The following SOAT1 variants were observed in gnomAD, a reference collection of about 807,000 sequenced individuals.
SOAT1 encodes sterol O-acyltransferase 1.
In SOAT1, 55 loss-of-function variants were observed where a neutral mutation model predicts 69.5. The ratio of observed to expected loss-of-function variants is 0.79; its 90% CI spans 0.64 to 0.99. The LOEUF (loss-of-function observed/expected upper bound fraction) is 0.99, where lower values mean the gene tolerates loss of function less well. Ranked by LOEUF, SOAT1 falls within the 50% of genes least tolerant of loss-of-function variation. The pLI, the probability that SOAT1 is intolerant of heterozygous loss-of-function variation, is 0.00. For synonymous variants in SOAT1, 231 were observed against 224.7 expected, an observed-to-expected ratio of 1.03 and a Z score of -0.25; for missense variants, 580 against 669.3, an observed-to-expected ratio of 0.87 and a Z score of 1.47.
rs1446804737 is a variant in SOAT1 at position 179,350,420 on chromosome 1, T to C, written c.1439T>C (p.Met480Thr). 6.2e-7 allele frequency: 1 copy of C among 1,613,948 alleles called. No homozygotes were observed. Among genetic ancestry groups the C allele is most frequent in the Admixed American group, 1.7e-5 (1 of 59,986 alleles). ...TATCCCGTGCTCTTCGTGCTCTTCATGTTCTTTGGAAGTAAGTATCTTGGT... is the reference window on the plus strand; with the variant it reads ...TATCCCGTGCTCTTCGTGCTCTTCACGTTCTTTGGAAGTAAGTATCTTGGT... ...FFYPVLFVLF[M>T]FFGMAFNFIV... is the part of the protein sequence containing the mutation. The change falls in exon 14 of 16, where the codon ATG (methionine) becomes ACG (threonine). Residue 480 changes from methionine (M) to threonine (T), a missense_variant. Transcript: ENST00000367619.
intron 1 of SOAT1, among the ~76,000 whole-genome samples, chr1:179,295,353 G>A (rs1342467797): frequency 1.3e-5 from 2 of 152,030 alleles, no homozygotes; most frequent in Non-Finnish European, 2.9e-5. Context: ...CACTTCCTCT[G>A]GAAATCACCC....
In SOAT1 at chr1:179,351,347, G is replaced by A; in HGVS notation, c.1481G>A (p.Arg494Gln). The change falls in exon 15 of 16, where the codon CGG becomes CAG. Residue 494 changes from arginine (R) to glutamine (Q), a missense_variant. Physicochemically the swap from Arg to Gln is conservative, Grantham distance 43. Coordinates refer to ENST00000367619, the MANE Select transcript of SOAT1 (RefSeq NM_003101.6). The part of the protein sequence containing the change: ...MAFNFIVNDS[R>Q]KKPIWNVLMW... ...TTCAACTTCATTGTCAATGATAGTCGGAAAAAGCCGATTTGGAATGTTCTG... is the reference window on the plus strand; with the variant it reads ...TTCAACTTCATTGTCAATGATAGTCAGAAAAAGCCGATTTGGAATGTTCTG... 10 of 1,613,932 alleles carry A rather than the reference G, an allele frequency of 6.2e-6. No homozygotes were observed. Among genetic ancestry groups the A allele is most frequent in the South Asian group, 1.1e-5 (1 of 91,066 alleles).
chr1:179,297,495 C>A (rs965794914), intron 1 of SOAT1, among the ~76,000 whole-genome samples: 2 of 152,138 alleles, frequency 1.3e-5, no homozygotes, highest in East Asian at 3.9e-4. Context: ...GCCATCACCC[C>A]TGGCTAATTT....
At chr1:179,313,720 G>A (rs6694235) in intron 2 of SOAT1, among the ~76,000 whole-genome samples, 75,090 of 151,880 alleles carry the variant, frequency 0.49, 19,564 homozygotes, top group East Asian at 0.84. Context: ...AGGTAGCTGG[G>A]ATTATAGGCA....
At chr1:179,334,331 G>T (rs1666072255) in intron 3 of SOAT1, among the ~76,000 whole-genome samples, 1 of 152,154 alleles carries the variant, frequency 6.6e-6, no homozygotes, top group Non-Finnish European at 1.5e-5. Context: ...GAGTATATTT[G>T]GTTATAGATT....
In SOAT1 at chr1:179,337,879, A is replaced by G. The variant is rs1417327169; in HGVS notation, c.372A>G (p.Ala124=). ...CAGAACAAGGAAAGATTTTTATTGC[A>G]AGGCGCTCTCTCTTAGAGTGAGTAT... ...APPEQGKIFI[A]RRSLLDELLE... is the part of the protein sequence containing the mutation. Residue 124 remains alanine, a synonymous_variant, in exon 5 of 16, where the codon GCA becomes GCG. Coordinates refer to ENST00000367619, the MANE Select transcript of SOAT1 (RefSeq NM_003101.6). 3 of 1,609,616 alleles carry G rather than the reference A, an allele frequency of 1.9e-6. No homozygotes were observed. The Admixed American group carries it at 5.0e-5, about 27-fold the overall frequency.
chr1:179,304,983 A>G lies in SOAT1; in HGVS notation c.118+2181A>G, dbSNP rs972757889. 2.6e-5 allele frequency among the ~76,000 whole-genome samples: 4 copies of G among 152,186 alleles called. No individual in the cohort carries two copies. In the East Asian group the frequency reaches 7.7e-4, roughly 29 times the overall value. ...TTTTTTAGTAATATATTTGCATACC[A>G]TTAAAGTCACCATTTTAAAGTTTAC... is the stretch of plus-strand genomic sequence containing the variant. On this transcript the variant is annotated intron_variant, in intron 2 of 15. Coordinates refer to ENST00000367619, the MANE Select transcript of SOAT1 (RefSeq NM_003101.6).
At chr1:179,336,353 C>T (rs12568258) in intron 4 of SOAT1, among the ~76,000 whole-genome samples, 39,339 of 147,770 alleles carry the variant, frequency 0.27, 5,287 homozygotes, top group East Asian at 0.47. Context: ...GTCCGCCTGT[C>T]GTCCCAGCTG....
At position 179,355,373 on chromosome 1, in the gene SOAT1, A is replaced by C. The variant is rs1666873557; in HGVS notation, c.*1732A>C. The C allele has an allele frequency of 6.6e-6, 1 of 152,352 alleles. No homozygotes were observed. Among genetic ancestry groups the C allele is most frequent in the African/African-American group, 2.4e-5 (1 of 41,588 alleles). The allele number at this position is 152,352 out of a possible 1,614,324, so 9.4% of individuals were successfully genotyped here. ...ATTGCGCTGAGACCTGGTTATGAGC[A>C]AGCCAATCTTTTGAATCTAGAGAAT... On this transcript the variant is annotated 3_prime_UTR_variant, in exon 16 of 16. Transcript: ENST00000367619.
chr1:179,342,831 C>T, intron 8 of SOAT1, 31 bp from the exon 9 acceptor site: 1 of 1,528,218 alleles, frequency 6.5e-7, no homozygotes, highest in Non-Finnish European at 9.1e-7. Context: ...ATCAAAGAGC[C>T]TTTGCTCTAA....
chr1:179,299,254 T>G (rs1289768147), intron 1 of SOAT1, among the ~76,000 whole-genome samples: 2 of 152,216 alleles, frequency 1.3e-5, no homozygotes, highest in Admixed American at 6.5e-5. Flanking sequence ...GTTCTGCTGT[T>G]GGAGAATTAT....
At chr1:179,298,658 A>C (rs550791653) in intron 1 of SOAT1, among the ~76,000 whole-genome samples, 1 of 152,308 alleles carries the variant, frequency 6.6e-6, no homozygotes, top group Admixed American at 6.5e-5. Flanking sequence ...GTTTTAGCCT[A>C]GTGTACCTTA....
intron 2 of SOAT1, among the ~76,000 whole-genome samples, chr1:179,308,329 A>T (rs912268099): frequency 3.3e-5 from 5 of 152,084 alleles, no homozygotes; most frequent in Admixed American, 3.3e-4. Flanking sequence ...GTTGATACAG[A>T]TGTGGTGATA....
rs1470875189 is a variant in SOAT1 at position 179,342,879 on chromosome 1, A to G, written c.877A>G (p.Thr293Ala). ...KEKSSTVPIPTVNQYLYFLFA... is the reference protein window; with the variant it reads ...KEKSSTVPIPAVNQYLYFLFA... ...TTTTCTAGGCACTGTTCCAATACCT[A>G]CAGTCAACCAGTATTTGTACTTCTT... is the stretch of plus-strand genomic sequence containing the variant. The change falls in exon 9 of 16, where the codon ACA becomes GCA. Residue 293 changes from threonine to alanine, a missense_variant. Physicochemically the swap from Thr to Ala is moderately conservative, Grantham distance 58. Coordinates refer to ENST00000367619, the MANE Select transcript of SOAT1 (RefSeq NM_003101.6). 10 of 1,613,294 alleles carry G rather than the reference A, an allele frequency of 6.2e-6. No homozygotes were observed. In the Admixed American group the frequency reaches 1.2e-4, roughly 19 times the overall value.
chr1:179,347,602 G>C lies in SOAT1; in HGVS notation c.1120G>C (p.Val374Leu). The C allele has an allele frequency of 4.4e-6, 7 of 1,595,448 alleles. No individual in the cohort carries two copies. The highest frequency in any genetic ancestry group is 6.0e-6 in the Non-Finnish European group (7 of 1,164,042). The change falls in exon 12 of 16, where the codon GTG becomes CTG. Residue 374 changes from valine (V) to leucine (L), a missense_variant and splice_region_variant. Val to Leu is a conservative substitution (Grantham distance 32). Transcript: ENST00000367619. ...AATATTGTTAATCTTATTTTTAGGT[G>C]TGCTGATTCTCTTCCTTACTTTTTT... Reference protein sequence around the residue: ...LCVFNSILPGVLILFLTFFAF... With the variant: ...LCVFNSILPGLLILFLTFFAF...
chr1:179,297,772 C>A (rs1438934942), intron 1 of SOAT1, among the ~76,000 whole-genome samples: 6 of 151,042 alleles, frequency 4.0e-5, no homozygotes, highest in Non-Finnish European at 8.8e-5. Flanking sequence ...TGGCTCACAC[C>A]TGTAATCCCA....
At chr1:179,327,945 G>T (rs1665846221) in intron 3 of SOAT1, among the ~76,000 whole-genome samples, 1 of 152,150 alleles carries the variant, frequency 6.6e-6, no homozygotes, top group African/African-American at 2.4e-5. Flanking sequence ...TGCCAGTGGG[G>T]TCATACAAAC....
At position 179,347,691 on chromosome 1, in the gene SOAT1, C is replaced by T; in HGVS notation, c.1209C>T (p.Phe403=). 6.2e-7 allele frequency: 1 copy of T among 1,600,590 alleles called. No homozygotes were observed. The change falls in exon 12 of 16, where the codon TTC becomes TTT. Residue 403 remains phenylalanine (F), a synonymous_variant. Transcript: ENST00000367619. ...TGTTACGCTTTGGTGACAGGATGTTCTATAAGGTAGTATATACTTAGACTT... is the reference window on the plus strand; with the variant it reads ...TGTTACGCTTTGGTGACAGGATGTTTTATAAGGTAGTATATACTTAGACTT... ...AEMLRFGDRM[F]YKDWWNSTSY...
In SOAT1 at chr1:179,342,998, A is replaced by G. The variant is rs967241464; in HGVS notation, c.941+55A>G. The G allele has an allele frequency of 1.0e-5, 14 of 1,349,990 alleles. No homozygotes were observed. In the African/African-American group the frequency reaches 1.7e-4, roughly 17 times the overall value. The allele number at this position is 1,349,990 out of a possible 1,614,324, so 83.6% of individuals were successfully genotyped here. On this transcript the variant is annotated intron_variant, in intron 9 of 15. Transcript: ENST00000367619. The stretch of plus-strand genomic sequence containing the variant: ...AAACACCAAAAGTGTGGCATGAGTG[A>G]GGTGGGATAGGTAAACAGGGGCCAG...
Sources: allele counts gnomAD v4.1 joint callset (sites outside exome capture counted in the v4.1 genomes callset), GRCh38; gene constraint gnomAD v4.1.1; transcripts MANE v1.5; gene names NCBI Gene and HGNC (gene_info 2026-07-23, HGNC 2026-07-21).